Variants in SPOCK1 observed in about 807,000 individuals in gnomAD.
The protein encoded by SPOCK1 is testican-1.
In SPOCK1, 23 loss-of-function variants were observed where a neutral mutation model predicts 55.3. That is an observed-to-expected ratio of 0.42 (90% CI 0.30 to 0.59). SPOCK1 has a LOEUF of 0.59. SPOCK1 is among the 20% of genes least tolerant of loss of function. The pLI is 0.22. For synonymous variants in SPOCK1, 226 were observed against 221.0 expected (o/e 1.02, Z -0.20); for missense variants, 499 against 552.5 (o/e 0.90, Z 0.97).
chr5:137,404,666 C>T (rs1195663002), intron 2 of SPOCK1, among the ~76,000 whole-genome samples: 2 of 151,490 alleles, frequency 1.3e-5, no homozygotes, highest in African/African-American at 4.9e-5. Context: ...GATACACCTG[C>T]TTCAGCCTCC....
chr5:137,148,962 C>G (rs778856729), intron 3 of SPOCK1, among the ~76,000 whole-genome samples: 2 of 151,942 alleles, frequency 1.3e-5, no homozygotes, highest in Non-Finnish European at 1.5e-5. Context: ...TTCATGTTAC[C>G]CAGAAGACCT....
intron 3 of SPOCK1, among the ~76,000 whole-genome samples, chr5:137,202,232 G>C (rs1227696275): frequency 6.6e-5 from 10 of 152,224 alleles, no homozygotes. Flanking sequence ...GAAAGGCTAT[G>C]AATAGAATGA....
intron 5 of SPOCK1, among the ~76,000 whole-genome samples, chr5:137,088,134 G>A (rs1752992425): frequency 6.6e-6 from 1 of 152,164 alleles, no homozygotes. Flanking sequence ...TGAGCTCTAG[G>A]CTCCCCTCCA....
At chr5:137,373,888 G>A (rs2127171954) in intron 2 of SPOCK1, among the ~76,000 whole-genome samples, 1 of 152,316 alleles carries the variant, frequency 6.6e-6, no homozygotes, top group African/African-American at 2.4e-5. Context: ...TTCTTTAATA[G>A]AAAGAATCAT....
At chr5:137,174,932 G>C (rs1480356300) in intron 3 of SPOCK1, among the ~76,000 whole-genome samples, 2 of 152,176 alleles carry the variant, frequency 1.3e-5, no homozygotes, top group African/African-American at 4.8e-5. Flanking sequence ...CCTTGCTAGA[G>C]GCCAAGGCCA....
At chr5:137,052,949 C>T (rs80325316) in intron 6 of SPOCK1, among the ~76,000 whole-genome samples, 1,728 of 151,498 alleles carry the variant, frequency 0.011, 33 homozygotes, top group African/African-American at 0.039. Flanking sequence ...CTGTCTTCTC[C>T]AGTTAGGTGG....
At chr5:137,314,360 C>T (rs1405300977) in intron 2 of SPOCK1, among the ~76,000 whole-genome samples, 4 of 152,176 alleles carry the variant, frequency 2.6e-5, no homozygotes, top group East Asian at 3.9e-4. Flanking sequence ...CATCTCTGCA[C>T]TCTAGTATCT....
intron 3 of SPOCK1, among the ~76,000 whole-genome samples, chr5:137,184,016 G>T (rs1755019473): frequency 6.6e-6 from 1 of 152,212 alleles, no homozygotes; most frequent in African/African-American, 2.4e-5. Flanking sequence ...ATTATTGACT[G>T]CTTCTGTGCT....
chr5:137,108,251 C>T (rs1003746015), intron 5 of SPOCK1, among the ~76,000 whole-genome samples: 5 of 152,196 alleles, frequency 3.3e-5, no homozygotes, highest in African/African-American at 1.2e-4. Flanking sequence ...TCCAACCAGA[C>T]TGAAATAGCC....
intron 3 of SPOCK1, among the ~76,000 whole-genome samples, chr5:137,246,152 C>T (rs564148827): frequency 6.6e-6 from 1 of 152,316 alleles, no homozygotes; most frequent in African/African-American, 2.4e-5. Context: ...AGAATGGACA[C>T]ACTTCAGGTT....
At position 137,176,502 on chromosome 5, in the gene SPOCK1, A is replaced by ATGTGTGTG. The variant is rs10527760; in HGVS notation, c.233-35816_233-35809dup. Among the ~76,000 whole-genome samples, 125 of 150,410 alleles carry ATGTGTGTG rather than the reference A, an allele frequency of 8.3e-4. 2 individuals carry two copies. In the Middle Eastern group the frequency reaches 0.021, roughly 25 times the overall value. On this transcript the variant is annotated intron_variant, in intron 3 of 10. Coordinates refer to ENST00000394945, the MANE Select transcript of SPOCK1 (RefSeq NM_004598.4). ...GCTTACAAAAATCTCCCCCACCACA[A>ATGTGTGTG]TGTGTGTGTGTGTGTGTGTGTGTGT...
At position 136,978,446 on chromosome 5, in the gene SPOCK1, A is replaced by AAC. The variant is rs1750658684; in HGVS notation, c.*207_*208insGT. The stretch of plus-strand genomic sequence containing the variant: ...CTATCCAAAAAATAAACAACAACAA[A>AAC]AAAAAAACACAACACCCTTTCTCCC... On this transcript the variant is annotated 3_prime_UTR_variant, in exon 11 of 11. Coordinates refer to ENST00000394945, the MANE Select transcript of SPOCK1 (RefSeq NM_004598.4). 2.5e-6 allele frequency: 1 copy of AAC among 406,588 alleles called. No individual in the cohort carries two copies. The highest frequency in any genetic ancestry group is 4.2e-6 in the Non-Finnish European group (1 of 236,356). 25.2% of individuals were successfully genotyped at this position (406,588 alleles called of 1,614,324 possible). A position where few individuals can be genotyped will look rare whatever the true frequency, so the allele number is the denominator to read the frequency against.
intron 2 of SPOCK1, among the ~76,000 whole-genome samples, chr5:137,404,065 G>A (rs916553947): frequency 6.6e-6 from 1 of 152,216 alleles, no homozygotes. Flanking sequence ...CTCAGGCCAG[G>A]ATGGTGCAGC....
intron 3 of SPOCK1, among the ~76,000 whole-genome samples, chr5:137,159,837 T>G (rs984246409): frequency 6.6e-6 from 1 of 152,318 alleles, no homozygotes; most frequent in Middle Eastern, 3.4e-3. Context: ...CTGCAATTAC[T>G]TCCTCCACTG....
intron 6 of SPOCK1, among the ~76,000 whole-genome samples, chr5:136,997,610 C>G (rs138617031): frequency 6.2e-4 from 94 of 152,338 alleles, no homozygotes; most frequent in African/African-American, 2.1e-3. Flanking sequence ...CCTCCTCAAC[C>G]TTCACGCTCT....
intron 2 of SPOCK1, among the ~76,000 whole-genome samples, chr5:137,378,186 C>T (rs577078203): frequency 1.3e-4 from 20 of 152,286 alleles, no homozygotes; most frequent in African/African-American, 4.3e-4. Flanking sequence ...TCAGGTGATC[C>T]GCCTGCCTTG....
rs150678142 is a variant in SPOCK1 at position 137,090,442 on chromosome 5, C to A, written c.474+21993G>T. Among the ~76,000 whole-genome samples, 1,117 of 152,310 alleles carry A rather than the reference C, an allele frequency of 7.3e-3. 14 individuals are homozygous for A. Among genetic ancestry groups the A allele is most frequent in the African/African-American group, 0.025 (1,029 of 41,542 alleles). On this transcript the variant is annotated intron_variant, in intron 5 of 10. Transcript: ENST00000394945. ...AGATCACAGGCATCTGGCACACAAG[C>A]ATAGACTGTTCAGGGAACAACCAAC...
intron 5 of SPOCK1, among the ~76,000 whole-genome samples, chr5:137,099,492 T>G (rs1473368645): frequency 6.6e-6 from 1 of 152,122 alleles, no homozygotes; most frequent in Non-Finnish European, 1.5e-5. Context: ...GGATCTTTTC[T>G]CTCTCTAACC....
chr5:137,119,565 T>C (rs911058416), intron 4 of SPOCK1, among the ~76,000 whole-genome samples: 2 of 152,110 alleles, frequency 1.3e-5, no homozygotes, highest in Non-Finnish European at 2.9e-5. Context: ...CGTGTCTCCC[T>C]CCTGTTCCAA....
Sources: allele counts gnomAD v4.1 joint callset (sites outside exome capture counted in the v4.1 genomes callset), GRCh38; gene constraint gnomAD v4.1.1; transcripts MANE v1.5; gene names NCBI Gene and HGNC (gene_info 2026-07-23, HGNC 2026-07-21).